Variants in DCAF5 observed in about 807,000 individuals in gnomAD.
DCAF5 encodes the protein DDB1- and CUL4-associated factor 5.
A neutral mutation model predicts 80.7 loss-of-function variants in DCAF5; 9 were observed. The observed-to-expected ratio is 0.11, with a 90% confidence interval of 0.07 to 0.19. The LOEUF (loss-of-function observed/expected upper bound fraction) is 0.19, where lower values mean the gene tolerates loss of function less well. Among genes scored for constraint, DCAF5 ranks in the 10% least tolerant of loss-of-function variants. The pLI, the probability that DCAF5 is intolerant of heterozygous loss-of-function variation, is 1.00. For missense variants in DCAF5, 842 were observed against 1,205.7 expected (o/e 0.70, Z 4.47); for synonymous variants, 433 against 461.9 (o/e 0.94, Z 0.80).
Position 69,106,727 on chromosome 14 carries a change from C to T in DCAF5, c.665+9639G>A, listed in dbSNP as rs187121116. 2.7e-3 allele frequency among the ~76,000 whole-genome samples: 414 copies of T among 152,016 alleles called. 4 individuals carry two copies. Among genetic ancestry groups the T allele is most frequent in the Non-Finnish European group, 2.0e-3 (139 of 67,970 alleles). ...ACCATAAAAATTTTTAAGAAGAAAA[C>T]GTCAACATTTGATTTTAAAATAAGA... is the stretch of plus-strand genomic sequence containing the variant. On this transcript the variant is annotated intron_variant, in intron 5 of 8. Transcript: ENST00000341516.
intron 1 of DCAF5, among the ~76,000 whole-genome samples, chr14:69,127,837 A>C (rs1220064720): frequency 6.6e-6 from 1 of 152,212 alleles, no homozygotes; most frequent in Non-Finnish European, 1.5e-5. Flanking sequence ...ACAAAACATC[A>C]TAAGTAAATC....
In DCAF5 at chr14:69,054,626, C is replaced by T; in HGVS notation, c.2060G>A (p.Gly687Glu). 1 of 1,614,138 alleles carries T rather than the reference C, an allele frequency of 6.2e-7. No individual in the cohort carries two copies. Among genetic ancestry groups the T allele is most frequent in the Non-Finnish European group, 8.5e-7 (1 of 1,179,996 alleles). ...TCCTGCTCTCCCTTCATCTGCCTCC[C>T]CGGTCACCAAGGAGGTCTCTCCATC... Reference protein sequence around the residue: ...NKDGETSLVTGEADEGRAGTS... With the variant: ...NKDGETSLVTEEADEGRAGTS... The change falls in exon 9 of 9, where the codon GGG becomes GAG. Residue 687 changes from glycine to glutamate, a missense_variant. This residue lies in a region of DCAF5 where 607 missense variants were observed against 656.6 expected (regional missense o/e 0.92). Coordinates refer to ENST00000341516, the MANE Select transcript of DCAF5 (RefSeq NM_003861.3).
chr14:69,140,078 C>T (rs533116036), intron 1 of DCAF5, among the ~76,000 whole-genome samples: 10 of 151,994 alleles, frequency 6.6e-5, no homozygotes, highest in East Asian at 3.9e-4. Flanking sequence ...CTAGCCTGGG[C>T]GACGTAGAGA....
intron 8 of DCAF5, among the ~76,000 whole-genome samples, chr14:69,060,792 A>G (rs1263603267): frequency 6.6e-6 from 1 of 152,150 alleles, no homozygotes; most frequent in Non-Finnish European, 1.5e-5. Context: ...TCGGCCTCCC[A>G]GAGTGTAGAG....
intron 1 of DCAF5, among the ~76,000 whole-genome samples, chr14:69,122,945 A>T (rs2040768629): frequency 6.6e-6 from 1 of 152,102 alleles, no homozygotes; most frequent in African/African-American, 2.4e-5. Context: ...GTTGGTTGTT[A>T]TTGTTTTTTC....
chr14:69,071,482 GA>G (rs2038691481), intron 7 of DCAF5, among the ~76,000 whole-genome samples: 1 of 151,904 alleles, frequency 6.6e-6, no homozygotes, highest in South Asian at 2.1e-4. Context: ...TTGTCATCTA[GA>G]GTCTAGTTCT....
chr14:69,054,681 A>G lies in DCAF5; in HGVS notation c.2005T>C (p.Tyr669His). The change falls in exon 9 of 9, where the codon TAC becomes CAC. Residue 669 changes from tyrosine to histidine, a missense_variant. Tyr to His is a moderately conservative substitution (Grantham distance 83). This residue lies in a region of DCAF5 where 607 missense variants were observed against 656.6 expected (regional missense o/e 0.92). Transcript: ENST00000341516. ...KIYKAYKWLR[Y>H]SYISYSNNKD... ...TTATTTGAGTAGGAGATATAAGAGT[A>G]GCGGAGCCACTTGTAAGCTTTATAA... 1 of 1,614,230 alleles carries G rather than the reference A, an allele frequency of 6.2e-7. No individual in the cohort carries two copies. The highest frequency in any genetic ancestry group is 8.5e-7 in the Non-Finnish European group (1 of 1,180,046).
At chr14:69,086,611 T>C (rs1051747569) in intron 6 of DCAF5, among the ~76,000 whole-genome samples, 1 of 134,400 alleles carries the variant, frequency 7.4e-6, no homozygotes, top group Non-Finnish European at 1.5e-5. Context: ...CAGGCGTGCA[T>C]GGAGTTATTA....
Position 69,129,755 on chromosome 14 carries a change from C to T in DCAF5, c.215-7395G>A, listed in dbSNP as rs1468279754. ...CCTAGCCCCAGCCTCTCTGGGGCAC[C>T]GGAGGTGGAGCACAGGGACTTCTCG... On this transcript the variant is annotated intron_variant, in intron 1 of 8. Transcript: ENST00000341516. Among the ~76,000 whole-genome samples the T allele has an allele frequency of 3.3e-5, 5 of 152,154 alleles. No individual in the cohort carries two copies. In the East Asian group the frequency reaches 5.8e-4, roughly 18 times the overall value.
At chr14:69,084,335 C>T (rs1427191818) in intron 6 of DCAF5, 22 of 955,810 alleles carry the variant, frequency 2.3e-5, no homozygotes, top group Admixed American at 1.2e-4. Flanking sequence ...GCAGAATATC[C>T]CAGGGTTTAT....
rs1287439762 is a variant in DCAF5 at position 69,152,853 on chromosome 14, T to C, written c.126A>G (p.Arg42=). Residue 42 remains arginine (R), a synonymous_variant, in exon 1 of 9, where the codon AGA becomes AGG. Transcript: ENST00000341516. This position sits in a 1 kb window ranked among gnomAD's most constrained non-coding sequence, Gnocchi z 4.1. ...CGAGGAGGTCCTTCTTGTAGAGGTT[T>C]CTGCAGCCCCGCAGGCGTCTCCTCT... ...DFQRRRLRGC[R]NLYKKDLLGH... is the part of the protein sequence containing the mutation. The C allele has an allele frequency of 6.2e-7, 1 of 1,614,006 alleles. No homozygotes were observed. Among genetic ancestry groups the C allele is most frequent in the Non-Finnish European group, 8.5e-7 (1 of 1,180,020 alleles).
In DCAF5 at chr14:69,055,081, C is replaced by T; in HGVS notation, c.1605G>A (p.Glu535=). Residue 535 remains glutamate, a synonymous_variant, in exon 9 of 9, where the codon GAG becomes GAA. Coordinates refer to ENST00000341516, the MANE Select transcript of DCAF5 (RefSeq NM_003861.3). The surrounding 1 kb of genome is among the most constrained non-coding windows in gnomAD (Gnocchi z 5.6). ...TGTCTAGTTCCACCTCACAGACATT[C>T]TCCTCAGAATCGGACTCATTGGAAA... ...LALSNESDSE[E]NVCEVELDTD... 6.2e-7 allele frequency: 1 copy of T among 1,614,256 alleles called. No individual in the cohort carries two copies. The highest frequency in any genetic ancestry group is 8.5e-7 in the Non-Finnish European group (1 of 1,180,044).
chr14:69,075,284 A>T, intron 7 of DCAF5, 61 bp downstream of exon 7: 1 of 1,372,418 alleles, frequency 7.3e-7, no homozygotes, highest in East Asian at 2.3e-5. Flanking sequence ...CTCAGGGCAC[A>T]GCATGCCAAA....
chr14:69,088,211 T>A (rs1420437293), intron 6 of DCAF5, among the ~76,000 whole-genome samples: 1 of 152,184 alleles, frequency 6.6e-6, no homozygotes, highest in Non-Finnish European at 1.5e-5. Context: ...CAAGTTGTGA[T>A]CATTTGTACA....
chr14:69,141,812 C>T lies in DCAF5; in HGVS notation c.214+10953G>A, dbSNP rs75857728. 2.2e-3 allele frequency among the ~76,000 whole-genome samples: 334 copies of T among 152,308 alleles called. 3 individuals are homozygous for T. The highest frequency in any genetic ancestry group is 7.5e-3 in the African/African-American group (312 of 41,560). On this transcript the variant is annotated intron_variant, in intron 1 of 8. Transcript: ENST00000341516. ...AGTCCTCCTGCCAACATTATCTCTGCTATGTGGATCCATTATAAACCTGTC... is the reference window on the plus strand; with the variant it reads ...AGTCCTCCTGCCAACATTATCTCTGTTATGTGGATCCATTATAAACCTGTC...
At chr14:69,110,559 C>T (rs1463349749) in intron 5 of DCAF5, among the ~76,000 whole-genome samples, 5 of 152,072 alleles carry the variant, frequency 3.3e-5, no homozygotes, top group East Asian at 1.9e-4. Context: ...TGAGCCACTG[C>T]GTCCAGTCCT....
At chr14:69,130,260 G>T (rs1228263661) in intron 1 of DCAF5, among the ~76,000 whole-genome samples, 1 of 152,194 alleles carries the variant, frequency 6.6e-6, no homozygotes, top group East Asian at 1.9e-4. Flanking sequence ...ATTGTTTGAA[G>T]AGCCAAAGAA....
At position 69,091,098 on chromosome 14, in the gene DCAF5, G is replaced by A. The variant is rs267604036; in HGVS notation, c.879+576C>T. On this transcript the variant is annotated intron_variant, in intron 6 of 8. Transcript: ENST00000341516. Reference sequence around the variant, plus strand: ...GTCAACATCAGCATCTCCATTCCTGGTGAGACTCAGAAAAGGCTGGAAACT... The same window carrying A: ...GTCAACATCAGCATCTCCATTCCTGATGAGACTCAGAAAAGGCTGGAAACT... The A allele has an allele frequency of 5.3e-6, 4 of 757,622 alleles. No individual in the cohort carries two copies. In the South Asian group the frequency reaches 5.5e-5, roughly 10 times the overall value. The allele number at this position is 757,622 out of a possible 1,614,324, so 46.9% of individuals were successfully genotyped here.
chr14:69,102,619 C>T (rs975279529), intron 5 of DCAF5, among the ~76,000 whole-genome samples: 1 of 143,934 alleles, frequency 6.9e-6, no homozygotes, highest in Non-Finnish European at 1.5e-5. Flanking sequence ...CACACACACA[C>T]ATATTAGCCT....
Sources: gnomAD v4.1 joint callset for allele counts (sites outside exome capture counted in the v4.1 genomes callset) on GRCh38, gnomAD v4.1.1 for gene constraint, gnomAD v4.1.1 regional missense constraint, Gnocchi (gnomAD v3.1) non-coding constraint, MANE v1.5 for transcripts, NCBI Gene and HGNC (gene_info 2026-07-23, HGNC 2026-07-21) for gene names.